LIMCH1: variants seen among roughly 807,000 people sequenced by gnomAD.
LIMCH1 encodes the protein LIM and calponin homology domains 1, also known as LIM and calponin homology domains-containing protein 1.
In LIMCH1, 113 loss-of-function variants were observed where a neutral mutation model predicts 176.5. That is an observed-to-expected ratio of 0.64 (90% CI 0.55 to 0.75). The LOEUF is 0.75. Ranked by LOEUF, LIMCH1 falls within the 30% of genes least tolerant of loss-of-function variation. The pLI is 0.00. For missense variants in LIMCH1, 1,674 were observed against 1,814.9 expected, an observed-to-expected ratio of 0.92 and a Z score of 1.41; for synonymous variants, 619 against 645.9, an observed-to-expected ratio of 0.96 and a Z score of 0.63.
rs772855612 is a variant in LIMCH1 at position 41,419,623 on chromosome 4, CT to C, written c.96+58689del. 1.4e-3 allele frequency among the ~76,000 whole-genome samples: 125 copies of C among 88,818 alleles called. 5 individuals carry two copies. Among genetic ancestry groups the C allele is most frequent in the African/African-American group, 7.4e-3 (110 of 14,908 alleles). The allele number at this position is 88,818 out of a possible 152,430, so 58.3% of individuals were successfully genotyped here. A position where few individuals can be genotyped will look rare whatever the true frequency, so the allele number is the denominator to read the frequency against. ...CCTTCCGTCCTTCCTTCCTTCCTTC[CT>C]TCCTTCCTTCCTCCTTCCTTTCTTC... is the stretch of plus-strand genomic sequence containing the variant. On this transcript the variant is annotated intron_variant, in intron 1 of 26. Transcript: ENST00000313860.
intron 1 of LIMCH1, among the ~76,000 whole-genome samples, chr4:41,464,096 C>G (rs1238913270): frequency 2.6e-5 from 4 of 151,856 alleles, no homozygotes; most frequent in Non-Finnish European, 5.9e-5. Context: ...CCATGGCATC[C>G]CATTGTTCCT....
At chr4:41,399,840 A>ATTTTTTTTTTTTTTTT (rs71198650) in intron 1 of LIMCH1, among the ~76,000 whole-genome samples, 63 of 114,090 alleles carry the variant, frequency 5.5e-4, no homozygotes, top group African/African-American at 1.1e-3. Context: ...TGCCCGGCTA[A>ATTTTTTTTTTTTTTTT]TTTTTTTTTT....
chr4:41,562,341 T>C (rs909905713), intron 1 of LIMCH1, among the ~76,000 whole-genome samples: 27 of 152,302 alleles, frequency 1.8e-4, no homozygotes, highest in African/African-American at 6.5e-4. Context: ...TCAGGCTTTC[T>C]GAGTGGTATT....
At chr4:41,425,168 T>G (rs1360270123) in intron 1 of LIMCH1, among the ~76,000 whole-genome samples, 1 of 152,218 alleles carries the variant, frequency 6.6e-6, no homozygotes, top group Non-Finnish European at 1.5e-5. Flanking sequence ...TAAAAAGATT[T>G]TAAACATGGA....
intron 1 of LIMCH1, among the ~76,000 whole-genome samples, chr4:41,580,263 C>T (rs2085197163): frequency 6.6e-6 from 1 of 152,100 alleles, no homozygotes; most frequent in Non-Finnish European, 1.5e-5. Context: ...CTCTCCTTCC[C>T]CTGAATCATG....
intron 3 of LIMCH1, among the ~76,000 whole-genome samples, chr4:41,529,437 G>C (rs550988085): frequency 6.6e-6 from 1 of 152,200 alleles, no homozygotes; most frequent in Admixed American, 6.5e-5. Flanking sequence ...ATGAAATACT[G>C]TTTGATTTTT....
intron 1 of LIMCH1, among the ~76,000 whole-genome samples, chr4:41,400,705 A>G (rs2058344269): frequency 6.6e-6 from 1 of 152,236 alleles, no homozygotes; most frequent in African/African-American, 2.4e-5. Context: ...ATAGATATCG[A>G]TATAAAACAA....
chr4:41,600,555 G>A (rs1447234824), intron 2 of LIMCH1, among the ~76,000 whole-genome samples: 1 of 152,022 alleles, frequency 6.6e-6, no homozygotes, highest in Non-Finnish European at 1.5e-5. Context: ...AGCCTGATTG[G>A]TTTTAAAAAT....
At chr4:41,573,777 A>G (rs545912272) in intron 1 of LIMCH1, among the ~76,000 whole-genome samples, 1 of 152,280 alleles carries the variant, frequency 6.6e-6, no homozygotes, top group South Asian at 2.1e-4. Flanking sequence ...CCACATTTTT[A>G]AGGTTTTTGA....
At chr4:41,671,491 A>G (rs2095030271) in intron 21 of LIMCH1, 63 bp from the exon 22 acceptor site, 1 of 1,418,296 alleles carries the variant, frequency 7.1e-7, no homozygotes, top group Non-Finnish European at 9.9e-7. Context: ...TAGGTCAAAA[A>G]CAAAGACAAT....
In LIMCH1 at chr4:41,428,682, T is replaced by C. The variant is rs187841759; in HGVS notation, c.97-65854T>C. ...CTGTTATGTGTCCCAGCCCCAGAAA[T>C]GCACAGACTGGTTTCCATTTTTAGT... On this transcript the variant is annotated intron_variant, in intron 1 of 26. Transcript: ENST00000313860. Among the ~76,000 whole-genome samples the C allele has an allele frequency of 2.6e-3, 398 of 152,312 alleles. 1 individual carries two copies. Among genetic ancestry groups the C allele is most frequent in the Non-Finnish European group, 3.1e-3 (213 of 68,032 alleles).
At chr4:41,527,791 C>G (rs1027893690) in intron 3 of LIMCH1, among the ~76,000 whole-genome samples, 2 of 144,826 alleles carry the variant, frequency 1.4e-5, no homozygotes, top group East Asian at 4.0e-4. Context: ...CCACTGCACT[C>G]CAGCCTGGGC....
chr4:41,552,435 C>T (rs185143342), intron 1 of LIMCH1, among the ~76,000 whole-genome samples: 2 of 152,236 alleles, frequency 1.3e-5, no homozygotes, highest in Admixed American at 1.3e-4. Context: ...AGAGGAAGAA[C>T]ACTCCAGAAG....
Position 41,517,004 on chromosome 4 carries a change from T to C in LIMCH1, c.168-7405T>C, listed in dbSNP as rs1419979598. 2.0e-5 allele frequency among the ~76,000 whole-genome samples: 3 copies of C among 152,116 alleles called. No individual in the cohort carries two copies. The East Asian group carries it at 5.8e-4, about 29-fold the overall frequency. On this transcript the variant is annotated intron_variant, in intron 2 of 26. Coordinates refer to the LIMCH1 transcript ENST00000313860. ...GTGCTGTAAGTAATAAACCCCTAAA[T>C]CTCAGTGGTGTAACACTGTGGAAAT...
intron 21 of LIMCH1, among the ~76,000 whole-genome samples, chr4:41,668,453 G>A (rs2153000842): frequency 6.6e-6 from 1 of 152,240 alleles, no homozygotes; most frequent in East Asian, 1.9e-4. Context: ...AAGTGGTATA[G>A]AGAGGGAATA....
chr4:41,548,430 C>T (rs1182701277), intron 1 of LIMCH1, among the ~76,000 whole-genome samples: 3 of 152,106 alleles, frequency 2.0e-5, no homozygotes, highest in Non-Finnish European at 4.4e-5. Flanking sequence ...TGCCCCCGCT[C>T]CACCAAAAAC....
intron 1 of LIMCH1, among the ~76,000 whole-genome samples, chr4:41,383,827 G>T (rs1358713778): frequency 6.6e-6 from 1 of 152,166 alleles, no homozygotes; most frequent in Non-Finnish European, 1.5e-5. Context: ...GGCTCTCTCT[G>T]TGAACACTGT....
At chr4:41,372,709 G>C (rs2054157735) in intron 1 of LIMCH1, among the ~76,000 whole-genome samples, 1 of 152,190 alleles carries the variant, frequency 6.6e-6, no homozygotes, top group African/African-American at 2.4e-5. Context: ...AATATTGTCT[G>C]TGTGTGTGTT....
intron 1 of LIMCH1, among the ~76,000 whole-genome samples, chr4:41,458,961 CT>C (rs113681202): frequency 1.3e-3 from 191 of 152,106 alleles, no homozygotes; most frequent in African/African-American, 4.5e-3. Flanking sequence ...GCTGTTCAAC[CT>C]GCTGAAGTTG....
Sources: allele counts gnomAD v4.1 joint callset (sites outside exome capture counted in the v4.1 genomes callset), GRCh38; gene constraint gnomAD v4.1.1; transcripts MANE v1.5; gene names NCBI Gene and HGNC (gene_info 2026-07-23, HGNC 2026-07-21).